Variants in SLC24A3 observed in about 807,000 individuals in gnomAD.
SLC24A3 encodes the protein solute carrier family 24 member 3.
SLC24A3 carries 28 observed loss-of-function variants against 75.8 expected under a neutral mutation model. The ratio of observed to expected loss-of-function variants is 0.37; its 90% CI spans 0.27 to 0.51. SLC24A3 has a LOEUF of 0.51. SLC24A3 is among the 20% of genes least tolerant of loss of function. The pLI, the probability that SLC24A3 is intolerant of heterozygous loss-of-function variation, is 0.94. For synonymous variants in SLC24A3, 372 were observed against 334.1 expected (o/e 1.11, Z -1.24); for missense variants, 663 against 847.8 (o/e 0.78, Z 2.71).
At chr20:19,684,402 G>T (rs1017088176) in intron 11 of SLC24A3, 66 bp downstream of exon 11, 4 of 1,506,524 alleles carry the variant, frequency 2.7e-6, no homozygotes, top group East Asian at 4.9e-5. Flanking sequence ...AGGAGAGAAG[G>T]TTTCTTGTTT....
intron 1 of SLC24A3, among the ~76,000 whole-genome samples, chr20:19,252,488 AC>A (rs975208685): frequency 6.6e-6 from 1 of 152,144 alleles, no homozygotes; most frequent in Non-Finnish European, 1.5e-5. Flanking sequence ...GCACTAATTA[AC>A]CCAGACAGCT....
At chr20:19,695,734 T>C (rs983230161) in intron 13 of SLC24A3, 1 of 152,100 alleles carries the variant, frequency 6.6e-6, no homozygotes, top group Non-Finnish European at 1.5e-5. Flanking sequence ...AGGGAGGAAA[T>C]TGAGATGTAG....
chr20:19,688,819 G>A (rs540797117), intron 12 of SLC24A3, among the ~76,000 whole-genome samples: 1 of 152,254 alleles, frequency 6.6e-6, no homozygotes, highest in African/African-American at 2.4e-5. Context: ...GTACATATAT[G>A]TACAGTGTGC....
chr20:19,639,531 C>T (rs970418474), intron 6 of SLC24A3, among the ~76,000 whole-genome samples: 20 of 152,214 alleles, frequency 1.3e-4, no homozygotes, highest in Non-Finnish European at 2.5e-4. Flanking sequence ...AGGTTCTCCA[C>T]GTCCCCACCA....
intron 1 of SLC24A3, among the ~76,000 whole-genome samples, chr20:19,216,932 A>C (rs902336638): frequency 6.6e-6 from 1 of 152,198 alleles, no homozygotes; most frequent in Non-Finnish European, 1.5e-5. Context: ...TGACAGCTGC[A>C]TCTGGAGTCA....
At chr20:19,514,628 T>G (rs551589795) in intron 2 of SLC24A3, among the ~76,000 whole-genome samples, 1 of 152,244 alleles carries the variant, frequency 6.6e-6, no homozygotes, top group South Asian at 2.1e-4. Context: ...ACAGGAGGCT[T>G]CATAAAGGAG....
chr20:19,628,446 A>G lies in SLC24A3; in HGVS notation c.613-25616A>G, dbSNP rs920605034. Among the ~76,000 whole-genome samples the G allele has an allele frequency of 3.3e-5, 5 of 152,244 alleles. No individual in the cohort carries two copies. The East Asian group carries it at 9.7e-4, about 29-fold the overall frequency. Reference sequence around the variant, plus strand: ...AGGTTACAGGACCCCAGGTGAGTACAACACCAAGAAGAGACACATTGGAGG... The same window carrying G: ...AGGTTACAGGACCCCAGGTGAGTACGACACCAAGAAGAGACACATTGGAGG... On this transcript the variant is annotated intron_variant, in intron 6 of 16. Coordinates refer to ENST00000328041, the MANE Select transcript of SLC24A3 (RefSeq NM_020689.4).
intron 7 of SLC24A3, among the ~76,000 whole-genome samples, chr20:19,656,221 C>T (rs2032263971): frequency 6.6e-6 from 1 of 152,170 alleles, no homozygotes; most frequent in African/African-American, 2.4e-5. Context: ...CAAACCATCA[C>T]AAGGTTTGCC....
At chr20:19,580,416 T>C (rs1472300985) in intron 4 of SLC24A3, among the ~76,000 whole-genome samples, 1 of 152,110 alleles carries the variant, frequency 6.6e-6, no homozygotes, top group Admixed American at 6.5e-5. Flanking sequence ...CCTCCACCTC[T>C]CTCTCCTGTG....
At chr20:19,508,429 C>G (rs1466990477) in intron 2 of SLC24A3, among the ~76,000 whole-genome samples, 1 of 152,028 alleles carries the variant, frequency 6.6e-6, no homozygotes, top group Non-Finnish European at 1.5e-5. Context: ...ATGTGTTGAT[C>G]TTCATTTTGG....
At chr20:19,374,081 G>A (rs974937320) in intron 2 of SLC24A3, among the ~76,000 whole-genome samples, 2 of 152,140 alleles carry the variant, frequency 1.3e-5, no homozygotes, top group Admixed American at 6.5e-5. Flanking sequence ...CTTTGCTTGA[G>A]ATCCGGTAAA....
At chr20:19,695,172 C>T (rs554428538) in intron 13 of SLC24A3, among the ~76,000 whole-genome samples, 3 of 152,262 alleles carry the variant, frequency 2.0e-5, no homozygotes, top group South Asian at 4.1e-4. Flanking sequence ...TCACTCACAT[C>T]CCCCCAATCT....
chr20:19,443,261 G>A (rs1485122964), intron 2 of SLC24A3, among the ~76,000 whole-genome samples: 4 of 152,138 alleles, frequency 2.6e-5, no homozygotes, highest in Non-Finnish European at 5.9e-5. Context: ...AACCCATAGA[G>A]CAAGTCAGGA....
chr20:19,447,161 T>C (rs1199530220), intron 2 of SLC24A3, among the ~76,000 whole-genome samples: 1 of 152,194 alleles, frequency 6.6e-6, no homozygotes, highest in Non-Finnish European at 1.5e-5. Context: ...GAGCCTCAGA[T>C]TCTTTATCTG....
chr20:19,340,163 G>T (rs1985235760), intron 2 of SLC24A3, among the ~76,000 whole-genome samples: 1 of 152,158 alleles, frequency 6.6e-6, no homozygotes, highest in Non-Finnish European at 1.5e-5. Flanking sequence ...TTTTACAGAG[G>T]TAATTAAGTT....
chr20:19,662,671 A>T (rs1400245706), intron 7 of SLC24A3, among the ~76,000 whole-genome samples: 1 of 152,262 alleles, frequency 6.6e-6, no homozygotes, highest in African/African-American at 2.4e-5. Context: ...AGTAATACTT[A>T]TCTAAGGGAT....
At chr20:19,330,110 G>A (rs182250955) in intron 2 of SLC24A3, among the ~76,000 whole-genome samples, 4 of 152,304 alleles carry the variant, frequency 2.6e-5, no homozygotes, top group East Asian at 1.9e-4. Context: ...TGACACACTC[G>A]TCTTCTGAAA....
chr20:19,675,882 C>T (rs143188976), intron 9 of SLC24A3, among the ~76,000 whole-genome samples: 3 of 152,228 alleles, frequency 2.0e-5, no homozygotes, highest in African/African-American at 7.2e-5. Context: ...GTGGGGAAGC[C>T]TCAAACTACT....
intron 2 of SLC24A3, among the ~76,000 whole-genome samples, chr20:19,471,029 G>A (rs1021492790): frequency 4.6e-5 from 7 of 152,236 alleles, no homozygotes; most frequent in African/African-American, 1.7e-4. Flanking sequence ...AGCAGACTGA[G>A]AAAGGACAAG....
Sources: gnomAD v4.1 joint callset for allele counts (sites outside exome capture counted in the v4.1 genomes callset) on GRCh38, gnomAD v4.1.1 for gene constraint, MANE v1.5 for transcripts, NCBI Gene and HGNC (gene_info 2026-07-23, HGNC 2026-07-21) for gene names.